ROR1: variants seen among roughly 807,000 people sequenced by gnomAD.
ROR1 encodes the protein ROR family WNT receptor 1.
Under a neutral mutation model 78.8 loss-of-function variants are expected in ROR1, and 19 were observed. That is an observed-to-expected ratio of 0.24 (90% confidence interval 0.17 to 0.35). The LOEUF (loss-of-function observed/expected upper bound fraction) is 0.35, where lower values mean the gene tolerates loss of function less well. ROR1 is among the 10% of genes least tolerant of loss of function. The pLI, the probability that ROR1 is intolerant of heterozygous loss-of-function variation, is 1.00. For missense variants in ROR1, 917 were observed against 1,177.8 expected (o/e 0.78, Z 3.24); for synonymous variants, 386 against 433.6 (o/e 0.89, Z 1.36).
At chr1:64,141,103 A>C (rs1156547453) in intron 6 of ROR1, among the ~76,000 whole-genome samples, 1 of 152,198 alleles carries the variant, frequency 6.6e-6, no homozygotes, top group East Asian at 1.9e-4. Context: ...GTGTTCTAGA[A>C]CCTATAGTGG....
rs1396433010 is a variant in ROR1 at position 64,178,431 on chromosome 1, C to T, written c.2390C>T (p.Thr797Ile). The T allele has an allele frequency of 6.2e-7, 1 of 1,614,084 alleles. No homozygotes were observed. The highest frequency in any genetic ancestry group is 8.5e-7 in the Non-Finnish European group (1 of 1,180,052). Residue 797 changes from threonine (T) to isoleucine (I), a missense_variant, in exon 9 of 9, where the codon ACA (threonine) becomes ATA (isoleucine). This residue lies in a region of ROR1 where 835 missense variants were observed against 1,069.8 expected (regional missense o/e 0.78). Coordinates refer to ENST00000371079, the MANE Select transcript of ROR1 (RefSeq NM_005012.4). This position sits in a 1 kb window ranked among gnomAD's most constrained non-coding sequence, Gnocchi z 4.3. The part of the protein sequence containing the change: ...PNYMFPSQGI[T>I]PQGQIAGFIG... ...TACATGTTCCCGAGCCAGGGTATTACACCACAGGGCCAGATTGCTGGTTTC... is the reference window on the plus strand; with the variant it reads ...TACATGTTCCCGAGCCAGGGTATTATACCACAGGGCCAGATTGCTGGTTTC...
intron 1 of ROR1, among the ~76,000 whole-genome samples, chr1:63,919,220 G>C (rs1338982340): frequency 1.3e-5 from 2 of 151,972 alleles, no homozygotes; most frequent in Non-Finnish European, 2.9e-5. Flanking sequence ...GACACATTGA[G>C]AAAAAAATTC....
intron 1 of ROR1, among the ~76,000 whole-genome samples, chr1:63,981,267 A>G (rs559830028): frequency 1.3e-5 from 2 of 152,234 alleles, no homozygotes; most frequent in Admixed American, 6.5e-5. Flanking sequence ...AGCCAAGAAT[A>G]GAGCCAGAAA....
intron 1 of ROR1, among the ~76,000 whole-genome samples, chr1:63,905,821 C>T (rs917763489): frequency 6.6e-6 from 1 of 152,092 alleles, no homozygotes; most frequent in Admixed American, 6.5e-5. Flanking sequence ...CAAATAGTCT[C>T]ATAAGAAAAA....
At chr1:63,847,611 G>T (rs56090343) in intron 1 of ROR1, among the ~76,000 whole-genome samples, 6,404 of 152,190 alleles carry the variant, frequency 0.042, 312 homozygotes, top group African/African-American at 0.11. Context: ...TGTCTGCCCT[G>T]CGAGGCTGGG....
intron 1 of ROR1, among the ~76,000 whole-genome samples, chr1:63,895,282 A>G (rs1474559567): frequency 6.6e-6 from 1 of 152,198 alleles, no homozygotes; most frequent in African/African-American, 2.4e-5. Flanking sequence ...CAGATTTAGA[A>G]ATACTAGTTA....
rs75538742 is a variant in ROR1 at position 64,154,094 on chromosome 1, G to A, written c.1175-4887G>A. On this transcript the variant is annotated intron_variant, in intron 7 of 8. Coordinates refer to ENST00000371079, the MANE Select transcript of ROR1 (RefSeq NM_005012.4). The stretch of plus-strand genomic sequence containing the variant: ...TTGTAGTTAAAACCTTTTCTGCAGG[G>A]AAAATTTTAATCAATGTATATGGCC... Among the ~76,000 whole-genome samples the A allele has an allele frequency of 4.6e-5, 7 of 152,180 alleles. No individual in the cohort carries two copies. In the East Asian group the frequency reaches 1.4e-3, roughly 29 times the overall value.
chr1:63,926,168 A>G (rs1645701723), intron 1 of ROR1, among the ~76,000 whole-genome samples: 2 of 151,292 alleles, frequency 1.3e-5, no homozygotes, highest in Admixed American at 6.6e-5. Context: ...TAAGTCTTTA[A>G]TCCATCTTGA....
intron 1 of ROR1, among the ~76,000 whole-genome samples, chr1:63,848,885 T>C (rs755487242): frequency 3.9e-5 from 6 of 152,184 alleles, no homozygotes; most frequent in Admixed American, 6.5e-5. Flanking sequence ...ATGTACTCAG[T>C]AAACCGAGTG....
intron 4 of ROR1, among the ~76,000 whole-genome samples, chr1:64,120,540 CAG>C (rs1280612128): frequency 6.6e-6 from 1 of 151,098 alleles, no homozygotes; most frequent in Non-Finnish European, 1.5e-5. Context: ...CTTTGAAATC[CAG>C]AGTGTATTTT....
intron 1 of ROR1, among the ~76,000 whole-genome samples, chr1:63,882,731 G>A (rs1305924293): frequency 6.6e-6 from 1 of 152,126 alleles, no homozygotes; most frequent in African/African-American, 2.4e-5. Flanking sequence ...AAATAGTAAT[G>A]ATGGGCATGA....
Position 64,058,306 on chromosome 1 carries a change from G to T in ROR1, c.482+7590G>T, listed in dbSNP as rs558337463. Among the ~76,000 whole-genome samples, 5 of 151,862 alleles carry T rather than the reference G, an allele frequency of 3.3e-5. No individual in the cohort carries two copies. The South Asian group carries it at 1.0e-3, about 32-fold the overall frequency. ...TGTTTTACTTTTTTCTTTTCAATTT[G>T]GGTGCCATTTACTTATTTTTCTTGC... On this transcript the variant is annotated intron_variant, in intron 4 of 8. Transcript: ENST00000371079.
intron 1 of ROR1, among the ~76,000 whole-genome samples, chr1:63,866,980 A>G (rs939761636): frequency 6.6e-6 from 1 of 152,214 alleles, no homozygotes; most frequent in Non-Finnish European, 1.5e-5. Context: ...AAATCACTGG[A>G]TAGGCATAGT....
At chr1:64,114,504 A>T (rs1648239734) in intron 4 of ROR1, among the ~76,000 whole-genome samples, 2 of 152,142 alleles carry the variant, frequency 1.3e-5, no homozygotes. Flanking sequence ...GTACTGAAAG[A>T]ACCCCGGCTC....
chr1:64,104,757 C>T (rs1647720827), intron 4 of ROR1, among the ~76,000 whole-genome samples: 1 of 152,178 alleles, frequency 6.6e-6, no homozygotes, highest in Non-Finnish European at 1.5e-5. Flanking sequence ...TGATGGCTTC[C>T]AGCTTCATCC....
chr1:63,998,768 A>T (rs1219413136), intron 1 of ROR1, among the ~76,000 whole-genome samples: 1 of 152,108 alleles, frequency 6.6e-6, no homozygotes, highest in Non-Finnish European at 1.5e-5. Context: ...TCAATTTAGG[A>T]GGTTGATATG....
At chr1:64,018,640 T>C (rs1646540562) in intron 2 of ROR1, among the ~76,000 whole-genome samples, 1 of 152,110 alleles carries the variant, frequency 6.6e-6, no homozygotes, top group South Asian at 2.1e-4. Flanking sequence ...CAAAGAGAGG[T>C]TGACCAGGAA....
intron 1 of ROR1, among the ~76,000 whole-genome samples, chr1:63,908,235 C>T (rs944479600): frequency 2.0e-5 from 3 of 152,104 alleles, no homozygotes; most frequent in African/African-American, 7.2e-5. Context: ...ACATTTCTCC[C>T]CCTGAAGCAA....
At chr1:63,931,547 TAAAC>T (rs1224802608) in intron 1 of ROR1, among the ~76,000 whole-genome samples, 1 of 152,182 alleles carries the variant, frequency 6.6e-6, no homozygotes, top group Non-Finnish European at 1.5e-5. Flanking sequence ...ATTCCAGAAA[TAAAC>T]AACTTCTAGG....
Sources: gnomAD v4.1 joint callset for allele counts (sites outside exome capture counted in the v4.1 genomes callset) on GRCh38, gnomAD v4.1.1 for gene constraint, gnomAD v4.1.1 regional missense constraint, Gnocchi (gnomAD v3.1) non-coding constraint, MANE v1.5 for transcripts, NCBI Gene and HGNC (gene_info 2026-07-23, HGNC 2026-07-21) for gene names.